TMED10: variants seen among roughly 807,000 people sequenced by gnomAD.
The protein encoded by TMED10 is transmembrane p24 trafficking protein 10, also known as transmembrane emp24 domain-containing protein 10.
In TMED10, 7 loss-of-function variants were observed where a neutral mutation model predicts 23.1. That is an observed-to-expected ratio of 0.30 (90% confidence interval 0.17 to 0.57). TMED10 has a LOEUF of 0.57. TMED10 is among the 20% of genes least tolerant of loss of function. The pLI is 0.91. For missense variants in TMED10, 162 were observed against 274.8 expected (o/e 0.59, Z 2.90); for synonymous variants, 113 against 106.9 (o/e 1.06, Z -0.35).
intron 1 of TMED10, among the ~76,000 whole-genome samples, chr14:75,160,400 T>A (rs1209036467): frequency 6.6e-6 from 1 of 152,048 alleles, no homozygotes; most frequent in Non-Finnish European, 1.5e-5. Context: ...AAAAATAAAA[T>A]GATAGCTTAA....
chr14:75,140,209 T>C (rs1449936930), intron 3 of TMED10, among the ~76,000 whole-genome samples: 1 of 152,062 alleles, frequency 6.6e-6, no homozygotes, highest in East Asian at 2.0e-4. Flanking sequence ...ACCCAGATTC[T>C]CCTGCCTCAG....
At chr14:75,151,652 G>A (rs904679299) in intron 2 of TMED10, among the ~76,000 whole-genome samples, 3 of 152,140 alleles carry the variant, frequency 2.0e-5, no homozygotes, top group Non-Finnish European at 4.4e-5. Context: ...TTTCCCACCA[G>A]AGTGGTACAT....
intron 1 of TMED10, among the ~76,000 whole-genome samples, chr14:75,163,552 C>CAAAAAAAAAAAA (rs758185921): frequency 1.6e-5 from 1 of 60,758 alleles, no homozygotes; most frequent in Non-Finnish European, 3.0e-5. Context: ...GACTCCGTAT[C>CAAAAAAAAAAAA]AAAAAAAAAA....
chr14:75,141,537 A>G (rs2139834955), intron 3 of TMED10, among the ~76,000 whole-genome samples: 2 of 152,210 alleles, frequency 1.3e-5, no homozygotes, highest in East Asian at 3.8e-4. Flanking sequence ...TTGTAATCTC[A>G]TTTAATCCTC....
At chr14:75,141,091 G>T (rs552210531) in intron 3 of TMED10, among the ~76,000 whole-genome samples, 23 of 152,094 alleles carry the variant, frequency 1.5e-4, no homozygotes, top group Non-Finnish European at 2.5e-4. Context: ...TATATAGTAA[G>T]TTATAACCAT....
At chr14:75,138,964 T>C in intron 3 of TMED10, 1 of 296,446 alleles carries the variant, frequency 3.4e-6, no homozygotes. Context: ...TCCCAATCCC[T>C]TTCCAGTAAT....
chr14:75,144,392 G>A (rs577032537), intron 3 of TMED10, among the ~76,000 whole-genome samples: 3 of 152,294 alleles, frequency 2.0e-5, no homozygotes, highest in South Asian at 4.1e-4. Context: ...CTTTATTTCC[G>A]AGGACAAAGG....
chr14:75,168,532 C>T (rs1896191571), intron 1 of TMED10, among the ~76,000 whole-genome samples: 1 of 152,102 alleles, frequency 6.6e-6, no homozygotes, highest in South Asian at 2.1e-4. Context: ...CCATAATGGG[C>T]CCTGCACAAT....
intron 4 of TMED10, 159 bp downstream of exon 4, chr14:75,135,601 A>G: frequency 1.0e-6 from 1 of 976,776 alleles, no homozygotes; most frequent in Non-Finnish European, 1.5e-6. Context: ...AAATCTAACA[A>G]GGCTCATTTA....
At chr14:75,176,287 G>A in intron 1 of TMED10, 68 bp downstream of exon 1, 2 of 1,588,952 alleles carry the variant, frequency 1.3e-6, no homozygotes, top group African/African-American at 1.3e-5. Context: ...CGACTCCCCC[G>A]AACCCGAGCC....
intron 1 of TMED10, among the ~76,000 whole-genome samples, chr14:75,170,581 A>G (rs1274919563): frequency 1.3e-5 from 2 of 152,216 alleles, no homozygotes; most frequent in African/African-American, 2.4e-5. Context: ...AATGGAAACA[A>G]CTGCCTAAAA....
chr14:75,160,026 C>T (rs766267125), intron 1 of TMED10, among the ~76,000 whole-genome samples: 34 of 152,270 alleles, frequency 2.2e-4, no homozygotes, highest in African/African-American at 4.3e-4. Context: ...AAGGCCTCCA[C>T]ATGTCTACAC....
At chr14:75,138,369 T>C (rs1440504992) in intron 3 of TMED10, among the ~76,000 whole-genome samples, 6 of 152,238 alleles carry the variant, frequency 3.9e-5, no homozygotes, top group Non-Finnish European at 2.9e-5. Flanking sequence ...AAATGTTGGC[T>C]AGAGTTAACG....
chr14:75,174,760 A>G (rs1896279637), intron 1 of TMED10, among the ~76,000 whole-genome samples: 2 of 152,158 alleles, frequency 1.3e-5, no homozygotes, highest in African/African-American at 4.8e-5. Context: ...AGTAAAAACG[A>G]GGCCAGGCGC....
chr14:75,147,185 G>GTTTTTTTT lies in TMED10; in HGVS notation c.411+471_411+478dup, dbSNP rs71119349. ...ACAGCCAGAATTATTCTTCAAGGCT[G>GTTTTTTTT]TTTTTTTTTTTTTTTTTTTTTGAGA... On this transcript the variant is annotated intron_variant, in intron 3 of 4. Coordinates refer to ENST00000303575, the MANE Select transcript of TMED10 (RefSeq NM_006827.6). Among the ~76,000 whole-genome samples, 396 of 116,556 alleles carry GTTTTTTTT rather than the reference G, an allele frequency of 3.4e-3. 29 individuals are homozygous for GTTTTTTTT. Among genetic ancestry groups the GTTTTTTTT allele is most frequent in the African/African-American group, 0.014 (369 of 26,234 alleles). 76.5% of individuals were successfully genotyped at this position (116,556 alleles called of 152,430 possible).
intron 3 of TMED10, among the ~76,000 whole-genome samples, chr14:75,143,043 G>C (rs1895841880): frequency 1.3e-5 from 2 of 152,016 alleles, no homozygotes; most frequent in Non-Finnish European, 2.9e-5. Flanking sequence ...ATTTTTAGTA[G>C]AGACAGGGTT....
chr14:75,176,241 C>T, intron 1 of TMED10, 114 bp downstream of exon 1: 5 of 1,333,590 alleles, frequency 3.7e-6, no homozygotes, highest in South Asian at 1.3e-5. Flanking sequence ...TTTGCGCTCC[C>T]GGGAGGCCAG....
At chr14:75,154,989 C>T (rs1478521034) in intron 1 of TMED10, among the ~76,000 whole-genome samples, 2 of 149,908 alleles carry the variant, frequency 1.3e-5, no homozygotes, top group East Asian at 2.0e-4. Context: ...GACAGAGTCT[C>T]GCTGTGTCAC....
At chr14:75,153,793 T>C (rs551250510) in intron 1 of TMED10, among the ~76,000 whole-genome samples, 192 of 150,304 alleles carry the variant, frequency 1.3e-3, no homozygotes, top group African/African-American at 4.5e-3. Context: ...TTTTTTGAAA[T>C]GGAGTCTCAC....
Sources: gnomAD v4.1 joint callset for allele counts (sites outside exome capture counted in the v4.1 genomes callset) on GRCh38, gnomAD v4.1.1 for gene constraint, MANE v1.5 for transcripts, NCBI Gene and HGNC (gene_info 2026-07-23, HGNC 2026-07-21) for gene names.